Variants in GRID2 observed in about 807,000 individuals in gnomAD.
GRID2 encodes glutamate receptor ionotropic, delta-2.
GRID2 carries 33 observed loss-of-function variants against 114.8 expected under a neutral mutation model. That is an observed-to-expected ratio of 0.29 (90% CI 0.22 to 0.38). The LOEUF (loss-of-function observed/expected upper bound fraction) is 0.38. Among genes scored for constraint, GRID2 ranks in the 10% least tolerant of loss-of-function variants. GRID2 has a pLI of 1.00. For missense variants in GRID2, 1,184 were observed against 1,257.7 expected (o/e 0.94, Z 0.89); for synonymous variants, 505 against 449.9 (o/e 1.12, Z -1.55).
rs1005310472 is a variant in GRID2, at chr4:92,324,769, T to G, written c.88+20025T>G. The stretch of plus-strand genomic sequence containing the variant: ...AAATCTATATATGCTGATATGGATA[T>G]GCATTTGTCACCAGGACTGGTTTGT... On this transcript the variant is annotated intron_variant, in intron 1 of 15. Coordinates refer to ENST00000282020, the MANE Select transcript of GRID2 (RefSeq NM_001510.4). Among the ~76,000 whole-genome samples, 24 of 152,142 alleles carry G rather than the reference T, an allele frequency of 1.6e-4. No homozygotes were observed. The Middle Eastern group carries it at 0.014, about 86-fold the overall frequency.
At chr4:93,050,531 T>TGC (rs1268529799) in intron 2 of GRID2, among the ~76,000 whole-genome samples, 5 of 149,132 alleles carry the variant, frequency 3.4e-5, no homozygotes, top group African/African-American at 1.2e-4. Context: ...TGTGTGTGTG[T>TGC]GTGTGTGTGT....
chr4:92,752,517 G>A (rs1009383781), intron 2 of GRID2, among the ~76,000 whole-genome samples: 1 of 152,276 alleles, frequency 6.6e-6, no homozygotes, highest in South Asian at 2.1e-4. Context: ...TTTCTGTAGT[G>A]TTTAAAATGT....
chr4:92,916,951 A>G (rs941515091), intron 2 of GRID2, among the ~76,000 whole-genome samples: 1 of 152,186 alleles, frequency 6.6e-6, no homozygotes, highest in African/African-American at 2.4e-5. Flanking sequence ...GACTTCCACA[A>G]TGGTTGAACT....
At chr4:92,807,129 T>A (rs1740458179) in intron 2 of GRID2, among the ~76,000 whole-genome samples, 1 of 152,036 alleles carries the variant, frequency 6.6e-6, no homozygotes, top group South Asian at 2.1e-4. Flanking sequence ...TGCCTCAATA[T>A]ATGTATTTGC....
intron 2 of GRID2, among the ~76,000 whole-genome samples, chr4:92,624,581 A>G (rs147410556): frequency 6.6e-6 from 1 of 151,852 alleles, no homozygotes; most frequent in Non-Finnish European, 1.5e-5. Context: ...TAGATTTGCT[A>G]TCAGGAAGTC....
rs1009058812 is a variant in GRID2, at chr4:93,769,349, G to T, written c.2500G>T (p.Val834Phe). 1.9e-6 allele frequency: 3 copies of T among 1,613,898 alleles called. No individual in the cohort carries two copies. The highest frequency in any genetic ancestry group is 2.5e-6 in the Non-Finnish European group (3 of 1,179,946). Residue 834 changes from valine to phenylalanine, a missense_variant, in exon 15 of 16, where the codon GTC becomes TTC. Transcript: ENST00000282020. The stretch of plus-strand genomic sequence containing the variant: ...CCTGGACATAAAGAGCTTTGCAGGG[G>T]TCTTTTGTATCCTGGCTGCTGGAAT... ...GALDIKSFAG[V>F]FCILAAGIVL...
chr4:92,452,386 T>C (rs1351672643), intron 1 of GRID2, among the ~76,000 whole-genome samples: 5 of 151,894 alleles, frequency 3.3e-5, no homozygotes, highest in Non-Finnish European at 1.5e-5. Context: ...GGCACGATCT[T>C]GGCTCACTGT....
At chr4:93,089,899 C>G (rs1730631994) in intron 3 of GRID2, among the ~76,000 whole-genome samples, 1 of 152,066 alleles carries the variant, frequency 6.6e-6, no homozygotes. Flanking sequence ...TTCCACAAAA[C>G]AATGTGGAGC....
At chr4:93,118,222 A>G (rs886893377) in intron 4 of GRID2, among the ~76,000 whole-genome samples, 5 of 152,118 alleles carry the variant, frequency 3.3e-5, no homozygotes, top group Non-Finnish European at 7.4e-5. Context: ...TCAGTAATTT[A>G]GGCAAAACAC....
intron 2 of GRID2, among the ~76,000 whole-genome samples, chr4:92,987,079 G>A: frequency 6.6e-6 from 1 of 152,044 alleles, no homozygotes; most frequent in African/African-American, 2.4e-5. Flanking sequence ...AAATATTATT[G>A]TGTCTATTTA....
At chr4:93,009,557 G>C (rs1347111667) in intron 2 of GRID2, among the ~76,000 whole-genome samples, 1 of 151,876 alleles carries the variant, frequency 6.6e-6, no homozygotes, top group Non-Finnish European at 1.5e-5. Context: ...ATTTTTCCTT[G>C]TGGGGCCAAA....
At chr4:93,790,830 C>A (rs1003356964) in intron 1 of GRID2, among the ~76,000 whole-genome samples, 1 of 152,084 alleles carries the variant, frequency 6.6e-6, no homozygotes, top group Admixed American at 6.6e-5. Context: ...CTGTGCTACC[C>A]TAGGCAAGTT....
At chr4:93,327,737 G>T (rs181004495) in intron 8 of GRID2, among the ~76,000 whole-genome samples, 1 of 151,554 alleles carries the variant, frequency 6.6e-6, no homozygotes, top group East Asian at 1.9e-4. Context: ...AGACTGGAAG[G>T]GTGGGGGTCA....
intron 14 of GRID2, among the ~76,000 whole-genome samples, chr4:93,761,035 C>T (rs1733163729): frequency 6.6e-6 from 1 of 152,056 alleles, no homozygotes; most frequent in Non-Finnish European, 1.5e-5. Context: ...AATCAGAAAA[C>T]CAAAGAAATT....
chr4:92,600,044 GTA>G (rs70942915), intron 2 of GRID2, among the ~76,000 whole-genome samples: 5,298 of 53,810 alleles, frequency 0.098, 166 homozygotes, highest in Non-Finnish European at 0.12. Context: ...GTGTGTGTGT[GTA>G]TATATATATA....
At chr4:93,413,448 G>A (rs919904521) in intron 9 of GRID2, among the ~76,000 whole-genome samples, 1 of 151,966 alleles carries the variant, frequency 6.6e-6, no homozygotes, top group Admixed American at 6.6e-5. Flanking sequence ...TGGGGTTGAG[G>A]CTTTCACTTT....
chr4:93,017,460 G>C (rs1722858510), intron 2 of GRID2, among the ~76,000 whole-genome samples: 1 of 152,068 alleles, frequency 6.6e-6, no homozygotes, highest in Non-Finnish European at 1.5e-5. Context: ...GTAGAAAAGA[G>C]TATTAGTGAT....
chr4:93,013,120 A>C (rs1035969308), intron 2 of GRID2, among the ~76,000 whole-genome samples: 1 of 152,066 alleles, frequency 6.6e-6, no homozygotes, highest in Non-Finnish European at 1.5e-5. Flanking sequence ...GAAAGGTTGC[A>C]CTAGTGATTA....
At chr4:93,645,343 A>T (rs1045900478) in intron 14 of GRID2, among the ~76,000 whole-genome samples, 26 of 152,282 alleles carry the variant, frequency 1.7e-4, no homozygotes, top group Non-Finnish European at 3.2e-4. Context: ...TTGGGGCACC[A>T]GAGGATGATA....
Sources: allele counts gnomAD v4.1 joint callset (sites outside exome capture counted in the v4.1 genomes callset), GRCh38; gene constraint gnomAD v4.1.1; transcripts MANE v1.5; gene names NCBI Gene and HGNC (gene_info 2026-07-23, HGNC 2026-07-21).